MAML2: variants seen among roughly 807,000 people sequenced by gnomAD.
MAML2 encodes the protein mastermind-like protein 2.
In MAML2, 22 loss-of-function variants were observed where a neutral mutation model predicts 96.1. The ratio of observed to expected loss-of-function variants is 0.23; its 90% CI spans 0.16 to 0.33. MAML2 has a LOEUF of 0.33. MAML2 is among the 10% of genes least tolerant of loss of function. The pLI, the probability that MAML2 is intolerant of heterozygous loss-of-function variation, is 1.00. For synonymous variants in MAML2, 561 were observed against 521.3 expected, an observed-to-expected ratio of 1.08 and a Z score of -1.04; for missense variants, 1,367 against 1,392.4, an observed-to-expected ratio of 0.98 and a Z score of 0.29.
At chr11:96,244,829 T>C in intron 1 of MAML2, among the ~76,000 whole-genome samples, 1 of 152,136 alleles carries the variant, frequency 6.6e-6, no homozygotes, top group South Asian at 2.1e-4. Context: ...TGTCCATCCA[T>C]GCATCCAATC....
At chr11:96,283,557 A>C (rs1863099323) in intron 1 of MAML2, among the ~76,000 whole-genome samples, 2 of 152,206 alleles carry the variant, frequency 1.3e-5, no homozygotes, top group Non-Finnish European at 2.9e-5. Context: ...TTCTTAGTTG[A>C]AGTATCTAAC....
chr11:96,074,805 G>T, intron 2 of MAML2, among the ~76,000 whole-genome samples: 1 of 152,160 alleles, frequency 6.6e-6, no homozygotes, highest in Non-Finnish European at 1.5e-5. Context: ...CTCTCTAATC[G>T]CATCAGCAAA....
Position 96,268,811 on chromosome 11 carries a change from C to T in MAML2, c.513+72572G>A, listed in dbSNP as rs969796181. Among the ~76,000 whole-genome samples the T allele has an allele frequency of 1.5e-4, 16 of 110,102 alleles. 3 individuals are homozygous for T. The highest frequency in any genetic ancestry group is 6.4e-4 in the African/African-American group (16 of 25,004). The allele number at this position is 110,102 out of a possible 152,430, so 72.2% of individuals were successfully genotyped here. ...CGCCATGTAAGATGTGACTTTGCTC[C>T]TCATTTGCCTTCTGCCATAACTGTA... On this transcript the variant is annotated intron_variant, in intron 1 of 4. Coordinates refer to ENST00000524717, the MANE Select transcript of MAML2 (RefSeq NM_032427.4).
chr11:96,076,432 TCACACACACACACACA>T (rs57102762), intron 2 of MAML2, among the ~76,000 whole-genome samples: 5 of 103,042 alleles, frequency 4.9e-5, no homozygotes, highest in East Asian at 3.1e-4. Flanking sequence ...TCTCTCTCTC[TCACACACACACACACA>T]CACACACACA....
chr11:96,227,320 A>G (rs1862227537), intron 1 of MAML2, among the ~76,000 whole-genome samples: 1 of 152,194 alleles, frequency 6.6e-6, no homozygotes, highest in African/African-American at 2.4e-5. Flanking sequence ...GTAGTGATCC[A>G]TTCCTTAATA....
chr11:96,266,379 G>C (rs1862827191), intron 1 of MAML2, among the ~76,000 whole-genome samples: 1 of 152,086 alleles, frequency 6.6e-6, no homozygotes, highest in South Asian at 2.1e-4. Flanking sequence ...GACCATCCTG[G>C]CTAACACGGT....
intron 1 of MAML2, among the ~76,000 whole-genome samples, chr11:96,235,864 C>T (rs1862360423): frequency 6.6e-6 from 1 of 152,198 alleles, no homozygotes; most frequent in Non-Finnish European, 1.5e-5. Flanking sequence ...TACCAGAAAG[C>T]TGCGGGTTAG....
rs570810291 is a variant in MAML2 at position 96,165,684 on chromosome 11, A to G, written c.514-72167T>C. Among the ~76,000 whole-genome samples the G allele has an allele frequency of 5.7e-4, 87 of 152,254 alleles. 1 individual carries two copies. Among genetic ancestry groups the G allele is most frequent in the Non-Finnish European group, 1.1e-3 (73 of 68,046 alleles). ...AATATTTTTAAGGTTTTTGATACAT[A>G]TCGACAAATTGTCCTCTGAGGTTAT... On this transcript the variant is annotated intron_variant, in intron 1 of 4. Coordinates refer to ENST00000524717, the MANE Select transcript of MAML2 (RefSeq NM_032427.4).
At chr11:95,988,322 G>C (rs1203630793) in intron 3 of MAML2, among the ~76,000 whole-genome samples, 1 of 151,018 alleles carries the variant, frequency 6.6e-6, no homozygotes, top group African/African-American at 2.4e-5. Context: ...GCAATGGCAC[G>C]ATCTCAGCTC....
intron 1 of MAML2, among the ~76,000 whole-genome samples, chr11:96,333,118 T>A (rs1000018005): frequency 4.6e-5 from 7 of 152,178 alleles, no homozygotes; most frequent in African/African-American, 1.7e-4. Context: ...GTGACAGTTA[T>A]TAGAGGGCTG....
At position 96,169,659 on chromosome 11, in the gene MAML2, C is replaced by CTTTTTTTTTT. The variant is rs5793784; in HGVS notation, c.514-76152_514-76143dup. ...AAAGACAAACAGAAAAGAAAGTAAA[C>CTTTTTTTTTT]TTTTTTTTTTTTTTGAGATGGAGTC... is the stretch of plus-strand genomic sequence containing the variant. On this transcript the variant is annotated intron_variant, in intron 1 of 4. Transcript: ENST00000524717. Among the ~76,000 whole-genome samples, 761 of 144,850 alleles carry CTTTTTTTTTT rather than the reference C, an allele frequency of 5.3e-3. 9 individuals are homozygous for CTTTTTTTTTT. The highest frequency in any genetic ancestry group is 0.017 in the African/African-American group (646 of 38,702).
chr11:96,104,924 C>T (rs1222033225), intron 1 of MAML2, among the ~76,000 whole-genome samples: 2 of 152,142 alleles, frequency 1.3e-5, no homozygotes, highest in Non-Finnish European at 2.9e-5. Context: ...ATATCTGCTA[C>T]AGTAGAAACA....
chr11:96,166,045 C>T (rs573419225), intron 1 of MAML2, among the ~76,000 whole-genome samples: 112 of 152,140 alleles, frequency 7.4e-4, no homozygotes, highest in African/African-American at 2.6e-3. Flanking sequence ...ATATCATTTC[C>T]CTACAATTCT....
At chr11:96,242,744 C>A (rs1164747928) in intron 1 of MAML2, among the ~76,000 whole-genome samples, 3 of 152,058 alleles carry the variant, frequency 2.0e-5, no homozygotes, top group African/African-American at 7.2e-5. Flanking sequence ...AAAGCAGGAG[C>A]ATGATAAAGG....
At chr11:96,202,350 CAAA>C (rs3995542) in intron 1 of MAML2, among the ~76,000 whole-genome samples, 1 of 107,534 alleles carries the variant, frequency 9.3e-6, no homozygotes, top group Non-Finnish European at 1.8e-5. Flanking sequence ...GACTCCATCT[CAAA>C]AAAAAAAAAA....
At chr11:96,252,757 G>A (rs1212534716) in intron 1 of MAML2, among the ~76,000 whole-genome samples, 1 of 152,178 alleles carries the variant, frequency 6.6e-6, no homozygotes, top group Non-Finnish European at 1.5e-5. Context: ...CATATCAGGT[G>A]TAAACAGCTC....
intron 2 of MAML2, among the ~76,000 whole-genome samples, chr11:96,064,432 T>C (rs2135781675): frequency 6.6e-6 from 1 of 152,346 alleles, no homozygotes; most frequent in East Asian, 1.9e-4. Context: ...AAAACATTTA[T>C]GTAAGTTATT....
At chr11:96,080,437 T>C (rs1859512991) in intron 2 of MAML2, among the ~76,000 whole-genome samples, 1 of 152,218 alleles carries the variant, frequency 6.6e-6, no homozygotes, top group South Asian at 2.1e-4. Flanking sequence ...GTTACTTTGA[T>C]AAAGGTAAGA....
chr11:96,082,807 G>A (rs1425816460), intron 2 of MAML2, among the ~76,000 whole-genome samples: 1 of 152,226 alleles, frequency 6.6e-6, no homozygotes, highest in African/African-American at 2.4e-5. Flanking sequence ...GAAGGCAGCA[G>A]CAGTGGAGGC....
Sources: gnomAD v4.1 joint callset for allele counts (sites outside exome capture counted in the v4.1 genomes callset) on GRCh38, gnomAD v4.1.1 for gene constraint, MANE v1.5 for transcripts, NCBI Gene and HGNC (gene_info 2026-07-23, HGNC 2026-07-21) for gene names.